The following IREB2 variants were observed in gnomAD, a reference collection of about 807,000 sequenced individuals.
IREB2 encodes iron-responsive element-binding protein 2.
A neutral mutation model predicts 118.8 loss-of-function variants in IREB2; 39 were observed. That is an observed-to-expected ratio of 0.33 (90% CI 0.25 to 0.43). The LOEUF is 0.43. IREB2 is among the 20% of genes least tolerant of loss of function. The probability of loss-of-function intolerance (pLI) is 1.00; values close to 1 mark genes in which losing one functional copy is unlikely to be tolerated. For synonymous variants in IREB2, 372 were observed against 392.2 expected, an observed-to-expected ratio of 0.95 and a Z score of 0.61; for missense variants, 900 against 1,147.3, an observed-to-expected ratio of 0.78 and a Z score of 3.11.
At chr15:78,473,629 G>T in intron 8 of IREB2, 1 of 416,612 alleles carries the variant, frequency 2.4e-6, no homozygotes, top group African/African-American at 2.0e-5. Flanking sequence ...CTGTGAGATG[G>T]ATACTATTAC....
At chr15:78,484,996 T>C in intron 12 of IREB2, 76 bp downstream of exon 12, 7 of 1,352,338 alleles carry the variant, frequency 5.2e-6, no homozygotes, top group Non-Finnish European at 7.2e-6. Context: ...TAACTTTGTT[T>C]CTTAGATGAT....
intron 2 of IREB2, among the ~76,000 whole-genome samples, chr15:78,452,498 A>G (rs965278944): frequency 1.3e-5 from 2 of 152,202 alleles, no homozygotes; most frequent in Admixed American, 1.3e-4. Flanking sequence ...AGGAAGCAGT[A>G]TAGAGTAAGA....
intron 2 of IREB2, among the ~76,000 whole-genome samples, chr15:78,444,876 C>G (rs1006148674): frequency 2.0e-5 from 3 of 152,022 alleles, no homozygotes; most frequent in Admixed American, 2.0e-4. Context: ...AAAGGGATAC[C>G]TGTACTTCTC....
chr15:78,448,060 G>A (rs2050960813), intron 2 of IREB2, among the ~76,000 whole-genome samples: 1 of 152,216 alleles, frequency 6.6e-6, no homozygotes, highest in South Asian at 2.1e-4. Flanking sequence ...GCCAGTACAG[G>A]TGAAAAAACA....
chr15:78,495,075 G>A (rs2051818133), intron 20 of IREB2, among the ~76,000 whole-genome samples: 1 of 152,004 alleles, frequency 6.6e-6, no homozygotes, highest in East Asian at 1.9e-4. Flanking sequence ...CTGCTGGGGG[G>A]GAATAGTCAT....
chr15:78,497,757 A>G (rs1444310594), intron 21 of IREB2, among the ~76,000 whole-genome samples: 2 of 152,216 alleles, frequency 1.3e-5, no homozygotes, highest in African/African-American at 4.8e-5. Flanking sequence ...TGTAAAATGA[A>G]TGTGAGTAGT....
At chr15:78,438,529 G>A in intron 1 of IREB2, 173 bp downstream of exon 1, 1 of 685,366 alleles carries the variant, frequency 1.5e-6, no homozygotes, top group Non-Finnish European at 2.5e-6. Context: ...CCTAGGCCGC[G>A]GAAGCTGGGG....
chr15:78,441,278 A>G (rs1046336604), intron 2 of IREB2, among the ~76,000 whole-genome samples: 3 of 152,224 alleles, frequency 2.0e-5, no homozygotes, highest in East Asian at 1.9e-4. Context: ...TTTACCTTGC[A>G]TGTTTAGCTG....
intron 12 of IREB2, 38 bp downstream of exon 12, chr15:78,484,958 T>G (rs1283753162): frequency 6.3e-7 from 1 of 1,579,096 alleles, no homozygotes; most frequent in Non-Finnish European, 8.6e-7. Flanking sequence ...TTCTTTTTCC[T>G]TAATTATTGT....
chr15:78,489,272 A>T (rs2051710640), intron 16 of IREB2, among the ~76,000 whole-genome samples: 1 of 151,932 alleles, frequency 6.6e-6, no homozygotes. Flanking sequence ...AGAATTCATT[A>T]GTGTTGATTG....
chr15:78,479,095 G>T (rs1596006448), intron 10 of IREB2, among the ~76,000 whole-genome samples: 1 of 151,830 alleles, frequency 6.6e-6, no homozygotes, highest in Admixed American at 6.6e-5. Flanking sequence ...CCCCTGTTTT[G>T]TTTTAATATT....
chr15:78,439,148 C>T (rs2050805504), intron 1 of IREB2, among the ~76,000 whole-genome samples: 1 of 152,152 alleles, frequency 6.6e-6, no homozygotes, highest in Non-Finnish European at 1.5e-5. Flanking sequence ...GGATCTTTGA[C>T]TTAGTAGTTC....
intron 2 of IREB2, among the ~76,000 whole-genome samples, chr15:78,450,070 C>T (rs1022710103): frequency 6.6e-6 from 1 of 152,084 alleles, no homozygotes; most frequent in Non-Finnish European, 1.5e-5. Context: ...TTGCATGAGT[C>T]TCTAAACAAT....
At chr15:78,472,061 C>T in intron 7 of IREB2, 137 bp downstream of exon 7, 1 of 584,050 alleles carries the variant, frequency 1.7e-6, no homozygotes. Context: ...GCAGCAACAA[C>T]AAAATCCTAA....
chr15:78,471,695 A>G, intron 6 of IREB2, 46 bp from the exon 7 acceptor site: 2 of 1,270,464 alleles, frequency 1.6e-6, no homozygotes, highest in Non-Finnish European at 2.2e-6. Flanking sequence ...GTGAGCACAA[A>G]TTTATATACT....
At chr15:78,444,202 C>T (rs1158402283) in intron 2 of IREB2, among the ~76,000 whole-genome samples, 1 of 152,110 alleles carries the variant, frequency 6.6e-6, no homozygotes. Flanking sequence ...ATTTGGGTGA[C>T]TCTCTTAAGT....
rs772637326 is a variant in IREB2, at chr15:78,471,768, G to T, written c.727G>T (p.Ala243Ser). The change falls in exon 7 of 22, where the codon GCA becomes TCA. Residue 243 changes from alanine to serine, a missense_variant. Ala to Ser is a moderately conservative substitution (Grantham distance 99, BLOSUM62 1). Transcript: ENST00000258886. ...KWSSRVFKNV[A>S]VIPPGTGMAH... ...GAGTTCAAGAGTTTTTAAGAATGTG[G>T]CAGTGATCCCTCCTGGAACTGGAAT... 6 of 1,609,262 alleles carry T rather than the reference G, an allele frequency of 3.7e-6. No homozygotes were observed. In the African/African-American group the frequency reaches 5.4e-5, roughly 14 times the overall value.
At chr15:78,463,148 C>T (rs2051224926) in intron 3 of IREB2, 61 bp downstream of exon 3, 1 of 1,393,128 alleles carries the variant, frequency 7.2e-7, no homozygotes, top group Non-Finnish European at 9.8e-7. Flanking sequence ...TTTTAAAATA[C>T]AGACTCTTGG....
At chr15:78,493,304 C>T (rs1467667350) in intron 18 of IREB2, among the ~76,000 whole-genome samples, 1 of 152,166 alleles carries the variant, frequency 6.6e-6, no homozygotes, top group Admixed American at 6.5e-5. Flanking sequence ...CCCAAATCCA[C>T]ACATACTGAA....
Sources: allele counts gnomAD v4.1 joint callset (sites outside exome capture counted in the v4.1 genomes callset), GRCh38; gene constraint gnomAD v4.1.1; transcripts MANE v1.5; gene names NCBI Gene and HGNC (gene_info 2026-07-23, HGNC 2026-07-21).